The following NKAIN3 variants were observed in gnomAD, a reference collection of about 807,000 sequenced individuals.
NKAIN3 encodes sodium/potassium transporting ATPase interacting 3.
NKAIN3 carries 25 observed loss-of-function variants against 30.2 expected under a neutral mutation model. The observed-to-expected ratio is 0.83, with a 90% CI of 0.60 to 1.16. The LOEUF is 1.16. Ranked by LOEUF, NKAIN3 falls within the 50% of genes most tolerant of loss-of-function variation. The pLI, the probability that NKAIN3 is intolerant of heterozygous loss-of-function variation, is 0.00. For missense variants in NKAIN3, 225 were observed against 254.1 expected, an observed-to-expected ratio of 0.89 and a Z score of 0.78; for synonymous variants, 91 against 89.6, an observed-to-expected ratio of 1.02 and a Z score of -0.09.
At chr8:62,632,935 C>T (rs1812010775) in intron 3 of NKAIN3, among the ~76,000 whole-genome samples, 1 of 152,122 alleles carries the variant, frequency 6.6e-6, no homozygotes, top group Admixed American at 6.6e-5. Context: ...AATGCCCCAT[C>T]TCTATTTTAT....
intron 4 of NKAIN3, chr8:62,863,530 C>G: frequency 7.3e-7 from 1 of 1,378,056 alleles, no homozygotes; most frequent in Non-Finnish European, 1.0e-6. Flanking sequence ...ACTTGATGAT[C>G]CAGTTGAGGA....
In NKAIN3 at chr8:62,948,766, T is replaced by A. The variant is rs140207688; in HGVS notation, c.533-5136T>A. ...AACCAGAGGCATTACTAATGTAATG[T>A]CTAGATGATAAAAGAAGATCTTGCT... is the stretch of plus-strand genomic sequence containing the variant. On this transcript the variant is annotated intron_variant, in intron 5 of 6. Coordinates refer to ENST00000623646, the MANE Select transcript of NKAIN3 (RefSeq NM_001304533.3). Among the ~76,000 whole-genome samples, 438 of 152,336 alleles carry A rather than the reference T, an allele frequency of 2.9e-3. 2 individuals carry two copies. The highest frequency in any genetic ancestry group is 1.0e-2 in the African/African-American group (415 of 41,574).
intron 1 of NKAIN3, among the ~76,000 whole-genome samples, chr8:62,539,643 G>T (rs998060523): frequency 2.6e-5 from 4 of 152,124 alleles, no homozygotes; most frequent in African/African-American, 9.7e-5. Context: ...AGGCTGGAGT[G>T]CAGTGGTGCA....
intron 4 of NKAIN3, chr8:62,856,883 G>T: frequency 1.7e-6 from 1 of 585,828 alleles, no homozygotes; most frequent in Non-Finnish European, 3.2e-6. Context: ...TACACACTTT[G>T]GATACACTGG....
chr8:62,843,967 C>A (rs1195060149), intron 4 of NKAIN3, among the ~76,000 whole-genome samples: 3 of 152,056 alleles, frequency 2.0e-5, no homozygotes, highest in Non-Finnish European at 4.4e-5. Flanking sequence ...TGAGAACTAG[C>A]CCATTTGTCA....
chr8:62,605,584 T>G (rs1189248790), intron 3 of NKAIN3, among the ~76,000 whole-genome samples: 1 of 151,802 alleles, frequency 6.6e-6, no homozygotes, highest in Admixed American at 6.6e-5. Context: ...CAACTGCAGA[T>G]CAAAACTATT....
At chr8:62,318,275 C>G (rs535745444) in intron 1 of NKAIN3, among the ~76,000 whole-genome samples, 1 of 152,256 alleles carries the variant, frequency 6.6e-6, no homozygotes, top group Middle Eastern at 3.4e-3. Flanking sequence ...TTTATTTCCT[C>G]TCCTGCCTGA....
chr8:62,975,640 G>T lies in NKAIN3; in HGVS notation c.*10233G>T, dbSNP rs925868198. Among the ~76,000 whole-genome samples the T allele has an allele frequency of 6.6e-6, 1 of 151,978 alleles. No individual in the cohort carries two copies. On this transcript the variant is annotated 3_prime_UTR_variant, in exon 7 of 7. Transcript: ENST00000623646. ...CTCCTGTATTCATTGATTTTTTGAA[G>T]GGTTTTTCGTATCTCTTTCAGTTCT...
chr8:62,781,399 A>C (rs952314219), intron 4 of NKAIN3, among the ~76,000 whole-genome samples: 3 of 147,886 alleles, frequency 2.0e-5, no homozygotes, highest in African/African-American at 7.6e-5. Context: ...TGACAATTTC[A>C]TTTTTCACAA....
chr8:62,952,745 C>G (rs1012313593), intron 5 of NKAIN3, among the ~76,000 whole-genome samples: 5 of 152,128 alleles, frequency 3.3e-5, no homozygotes, highest in African/African-American at 1.2e-4. Context: ...TTACAGAAAA[C>G]ATTGACATAT....
At chr8:62,675,775 A>G (rs1177806980) in intron 3 of NKAIN3, among the ~76,000 whole-genome samples, 1 of 152,216 alleles carries the variant, frequency 6.6e-6, no homozygotes, top group African/African-American at 2.4e-5. Flanking sequence ...GCAGGTGGAC[A>G]TGTCATCTCA....
At chr8:62,367,154 AT>A (rs1816762351) in intron 1 of NKAIN3, among the ~76,000 whole-genome samples, 1 of 152,212 alleles carries the variant, frequency 6.6e-6, no homozygotes, top group African/African-American at 2.4e-5. Context: ...CTTCAGAACA[AT>A]GTGTATTCTG....
intron 1 of NKAIN3, among the ~76,000 whole-genome samples, chr8:62,480,232 A>G (rs891108427): frequency 6.6e-6 from 1 of 152,140 alleles, no homozygotes; most frequent in African/African-American, 2.4e-5. Flanking sequence ...TAGCTGCCAC[A>G]TACACCTGAG....
intron 1 of NKAIN3, among the ~76,000 whole-genome samples, chr8:62,314,833 A>C (rs2059486192): frequency 6.6e-6 from 1 of 152,204 alleles, no homozygotes; most frequent in Admixed American, 6.6e-5. Context: ...ATTTAATACT[A>C]GCCAACTATT....
chr8:62,290,232 A>G (rs1031348561), intron 1 of NKAIN3, among the ~76,000 whole-genome samples: 2 of 152,036 alleles, frequency 1.3e-5, no homozygotes, highest in South Asian at 4.1e-4. Flanking sequence ...CATATCCTTT[A>G]TTTCTTTCTC....
chr8:62,428,482 C>T (rs1804888130), intron 1 of NKAIN3, among the ~76,000 whole-genome samples: 1 of 151,876 alleles, frequency 6.6e-6, no homozygotes, highest in Non-Finnish European at 1.5e-5. Context: ...CAAGTGTTCC[C>T]CTTTCTCAGC....
rs552458690 is a variant in NKAIN3, at chr8:62,565,584, G to A, written c.55-13955G>A. 3.9e-5 allele frequency among the ~76,000 whole-genome samples: 6 copies of A among 152,256 alleles called. No homozygotes were observed. In the East Asian group the frequency reaches 1.2e-3, roughly 29 times the overall value. On this transcript the variant is annotated intron_variant, in intron 1 of 6. Coordinates refer to ENST00000623646, the MANE Select transcript of NKAIN3 (RefSeq NM_001304533.3). The stretch of plus-strand genomic sequence containing the variant: ...TGAAACAAAATGGTCTGGCCCAACA[G>A]TCTGAATATCTCCTACTACATAATG...
At chr8:62,744,496 T>C (rs992946529) in intron 3 of NKAIN3, among the ~76,000 whole-genome samples, 8 of 152,180 alleles carry the variant, frequency 5.3e-5, no homozygotes, top group Non-Finnish European at 7.3e-5. Flanking sequence ...CAGTCTGCAA[T>C]AGGAAAGGTC....
rs1330847630 is a variant in NKAIN3, at chr8:62,249,745, T to C, written c.54+618T>C. Among the ~76,000 whole-genome samples, 8 of 152,194 alleles carry C rather than the reference T, an allele frequency of 5.3e-5. No homozygotes were observed. In the South Asian group the frequency reaches 8.3e-4, roughly 16 times the overall value. Reference sequence around the variant, plus strand: ...CTTTGGATTTTGTTGAAATGTTGCATGTTCAGGCGGCGACAGACTGACAGC... The same window carrying C: ...CTTTGGATTTTGTTGAAATGTTGCACGTTCAGGCGGCGACAGACTGACAGC... On this transcript the variant is annotated intron_variant, in intron 1 of 6. Transcript: ENST00000623646.
Sources: gnomAD v4.1 joint callset for allele counts (sites outside exome capture counted in the v4.1 genomes callset) on GRCh38, gnomAD v4.1.1 for gene constraint, MANE v1.5 for transcripts, NCBI Gene and HGNC (gene_info 2026-07-23, HGNC 2026-07-21) for gene names.